Variants in RASD1 observed in about 807,000 individuals in gnomAD.
RASD1 encodes the protein dexamethasone-induced Ras-related protein 1.
A neutral mutation model predicts 16.7 loss-of-function variants in RASD1; 13 were observed. The ratio of observed to expected loss-of-function variants is 0.78; its 90% CI spans 0.51 to 1.24. The LOEUF is 1.24. Ranked by LOEUF, RASD1 falls within the 50% of genes most tolerant of loss-of-function variation. The probability of loss-of-function intolerance (pLI) is 0.00; values close to 1 mark genes in which losing one functional copy is unlikely to be tolerated. For missense variants in RASD1, 397 were observed against 407.5 expected (o/e 0.97, Z 0.22); for synonymous variants, 170 against 172.6 (o/e 0.98, Z 0.12).
Position 17,495,217 on chromosome 17 carries a change from G to A in RASD1, c.754C>T (p.Arg252Trp), listed in dbSNP as rs748065815. The change falls in exon 2 of 2, where the codon CGG becomes TGG. Residue 252 changes from arginine to tryptophan, a missense_variant. By Grantham distance (101) the Arg-to-Trp change is moderately radical. Transcript: ENST00000225688. The stretch of plus-strand genomic sequence containing the variant: ...ATGAGGTCGCTGTGTACGCTGGGCC[G>A]GCGCGCGAAGGGTGCCACGATGCCA... ...AFGIVAPFAR[R>W]PSVHSDLMYI... is the part of the protein sequence containing the mutation. 2.5e-6 allele frequency: 4 copies of A among 1,610,120 alleles called. No homozygotes were observed. Among genetic ancestry groups the A allele is most frequent in the Non-Finnish European group, 2.5e-6 (3 of 1,179,160 alleles).
In RASD1 at chr17:17,495,876, C is replaced by T; in HGVS notation, c.286+20G>A. The T allele has an allele frequency of 6.3e-7, 1 of 1,591,818 alleles. No homozygotes were observed. The highest frequency in any genetic ancestry group is 8.5e-7 in the Non-Finnish European group (1 of 1,171,246). ...GGTTCCCCGCCCTTCCCTCCCGCAC[C>T]TGCCCGGCCCCCGGCTCACCTGTGA... On this transcript the variant is annotated intron_variant, in intron 1 of 1. Transcript: ENST00000225688.
At position 17,495,359 on chromosome 17, in the gene RASD1, G is replaced by T; in HGVS notation, c.612C>A (p.Asp204Glu). 1.3e-6 allele frequency: 2 copies of T among 1,583,054 alleles called. No individual in the cohort carries two copies. Among genetic ancestry groups the T allele is most frequent in the African/African-American group, 2.7e-5 (2 of 74,512 alleles). Residue 204 changes from aspartate to glutamate, a missense_variant, in exon 2 of 2, where the codon GAC becomes GAA. Transcript: ENST00000225688. ...ACTGCACCGAGACCTTGCGGTGCAG[G>T]TCTGGGCTCATCTCGCTGGGCAGCT... ...MAKLPSEMSP[D>E]LHRKVSVQYC...
At chr17:17,495,743 G>A in intron 1 of RASD1, 59 bp from the exon 2 acceptor site, 1 of 1,509,112 alleles carries the variant, frequency 6.6e-7, no homozygotes, top group Non-Finnish European at 8.9e-7. Context: ...CAGGGGACAA[G>A]TCGGGCTGAC....
chr17:17,495,606 AG>A lies in RASD1; in HGVS notation c.364del (p.Leu122SerfsTer80). 1 of 1,613,144 alleles carries A rather than the reference AG, an allele frequency of 6.2e-7. No individual in the cohort carries two copies. The highest frequency in any genetic ancestry group is 8.5e-7 in the Non-Finnish European group (1 of 1,179,970). On this transcript the variant is annotated frameshift_variant, in exon 2 of 2. Coordinates refer to ENST00000225688, the MANE Select transcript of RASD1 (RefSeq NM_016084.5). LOFTEE classifies it high-confidence loss of function. ...EEVQRLRQQI[L>X]DTKSCLKNKT... ...GTTCTTGAGGCAAGACTTGGTGTCG[AG>A]GATCTGCTGCCTGAGCCGCTGCACC...
Position 17,495,232 on chromosome 17 carries a change from C to G in RASD1, c.739G>C (p.Ala247Pro). 1 of 1,607,210 alleles carries G rather than the reference C, an allele frequency of 6.2e-7. No individual in the cohort carries two copies. The highest frequency in any genetic ancestry group is 1.1e-5 in the South Asian group (1 of 90,566). The change falls in exon 2 of 2, where the codon GCA (alanine) becomes CCA (proline). Residue 247 changes from alanine (A) to proline (P), a missense_variant. Transcript: ENST00000225688. ...GDPGDAFGIV[A>P]PFARRPSVHS... The stretch of plus-strand genomic sequence containing the variant: ...ACGCTGGGCCGGCGCGCGAAGGGTG[C>G]CACGATGCCAAAGGCGTCGCCCGGG...
chr17:17,495,280 C>G lies in RASD1; in HGVS notation c.691G>C (p.Gly231Arg). 2 of 1,561,692 alleles carry G rather than the reference C, an allele frequency of 1.3e-6. No homozygotes were observed. The highest frequency in any genetic ancestry group is 1.2e-5 in the South Asian group (1 of 86,046). Reference sequence around the variant, plus strand: ...GGGTCGCCGCCGCCGCCGCCGCTGCCGGCCCGCAGCAGCTTCTTGTTCCGC... The same window carrying G: ...GGGTCGCCGCCGCCGCCGCCGCTGCGGGCCCGCAGCAGCTTCTTGTTCCGC... ...ALRNKKLLRAGSGGGGGDPGD... is the reference protein window; with the variant it reads ...ALRNKKLLRARSGGGGGDPGD... Residue 231 changes from glycine (G) to arginine (R), a missense_variant, in exon 2 of 2, where the codon GGC (glycine) becomes CGC (arginine). Transcript: ENST00000225688.
rs758165707 is a variant in RASD1 at position 17,495,523 on chromosome 17, C to T, written c.448G>A (p.Asp150Asn). Residue 150 changes from aspartate to asparagine, a missense_variant, in exon 2 of 2, where the codon GAC becomes AAC. Transcript: ENST00000225688. ...LVICGNKGDR[D>N]FYREVDQREI... is the part of the protein sequence containing the mutation. ...CGCTGGTCCACCTCGCGGTAGAAGT[C>T]GCGGTCACCCTTGTTGCCGCAGATG... The T allele has an allele frequency of 1.1e-5, 17 of 1,612,368 alleles. No homozygotes were observed. Among genetic ancestry groups the T allele is most frequent in the Admixed American group, 5.0e-5 (3 of 59,926 alleles).
Position 17,495,066 on chromosome 17 carries a change from T to C in RASD1, c.*59A>G. ...TCCCGGCCTGGGGCGCACCGGGCCG[T>C]TGGATTTGACTTAACAAAAAGGTCC... On this transcript the variant is annotated 3_prime_UTR_variant, in exon 2 of 2. Transcript: ENST00000225688. 1.9e-6 allele frequency: 3 copies of C among 1,579,784 alleles called. No homozygotes were observed. Among genetic ancestry groups the C allele is most frequent in the Non-Finnish European group, 2.6e-6 (3 of 1,164,080 alleles).
At chr17:17,495,705 A>G (rs1905407168) in intron 1 of RASD1, 21 bp from the exon 2 acceptor site, 1 of 1,580,224 alleles carries the variant, frequency 6.3e-7, no homozygotes, top group Non-Finnish European at 8.6e-7. Flanking sequence ...CACAGAGAGC[A>G]GAAAAGGAGA....
At chr17:17,495,760 G>A in intron 1 of RASD1, 76 bp from the exon 2 acceptor site, 2 of 1,473,586 alleles carry the variant, frequency 1.4e-6, no homozygotes, top group Non-Finnish European at 1.8e-6. Flanking sequence ...TGACTTTGAG[G>A]CCGCGCGGGG....
chr17:17,495,554 G>A lies in RASD1; in HGVS notation c.417C>T (p.Pro139=). 2 of 1,612,892 alleles carry A rather than the reference G, an allele frequency of 1.2e-6. No individual in the cohort carries two copies. Among genetic ancestry groups the A allele is most frequent in the Non-Finnish European group, 1.7e-6 (2 of 1,179,858 alleles). ...CACCCTTGTTGCCGCAGATGACCAG[G>A]GGCACGTCCACGTTCTCCTTGGTTT... The part of the protein sequence containing the change: ...KNKTKENVDV[P]LVICGNKGDR... Residue 139 remains proline (P), a synonymous_variant, in exon 2 of 2, where the codon CCC becomes CCT. Coordinates refer to ENST00000225688, the MANE Select transcript of RASD1 (RefSeq NM_016084.5).
At position 17,495,036 on chromosome 17, in the gene RASD1, C is replaced by A; in HGVS notation, c.*89G>T. On this transcript the variant is annotated 3_prime_UTR_variant, in exon 2 of 2. Transcript: ENST00000225688. ...CCGGGAGGGGAGACGCCAGTCCGCG[C>A]GCGCTCCCGGCCTGGGGCGCACCGG... 6.7e-7 allele frequency: 1 copy of A among 1,498,546 alleles called. No individual in the cohort carries two copies. The highest frequency in any genetic ancestry group is 9.0e-7 in the Non-Finnish European group (1 of 1,112,540). The allele number at this position is 1,498,546 out of a possible 1,614,324, so 92.8% of individuals were successfully genotyped here. A position where few individuals can be genotyped will look rare whatever the true frequency, so the allele number is the denominator to read the frequency against.
In RASD1 at chr17:17,495,884, C is replaced by T. The variant is rs1597856389; in HGVS notation, c.286+12G>A. The T allele has an allele frequency of 1.9e-6, 3 of 1,596,886 alleles. No individual in the cohort carries two copies. The highest frequency in any genetic ancestry group is 2.2e-5 in the East Asian group (1 of 44,574). ...GCCCTTCCCTCCCGCACCTGCCCGG[C>T]CCCCGGCTCACCTGTGAGGATGGAG... On this transcript the variant is annotated intron_variant, in intron 1 of 1. Transcript: ENST00000225688.
intron 1 of RASD1, 38 bp from the exon 2 acceptor site, chr17:17,495,722 G>A (rs566716068): frequency 6.5e-7 from 1 of 1,550,346 alleles, no homozygotes; most frequent in African/African-American, 1.4e-5. Context: ...GAGAAGGTGA[G>A]GGTGGCCGCC....
chr17:17,494,974 G>C lies in RASD1; in HGVS notation c.*151C>G. 2.1e-6 allele frequency: 2 copies of C among 953,286 alleles called. No individual in the cohort carries two copies. Among genetic ancestry groups the C allele is most frequent in the Non-Finnish European group, 3.1e-6 (2 of 654,412 alleles). The allele number at this position is 953,286 out of a possible 1,614,324, so 59.1% of individuals were successfully genotyped here. On this transcript the variant is annotated 3_prime_UTR_variant, in exon 2 of 2. Transcript: ENST00000225688. ...CCGGAGCAGATGACCGTCCCTTCTC[G>C]GTTCAGTGGCGCCTCCCCAGTGCTG...
rs1905395747 is a variant in RASD1, at chr17:17,495,477, C to T, written c.494G>A (p.Gly165Asp). 6.2e-7 allele frequency: 1 copy of T among 1,610,042 alleles called. No homozygotes were observed. Among genetic ancestry groups the T allele is most frequent in the Non-Finnish European group, 8.5e-7 (1 of 1,178,462 alleles). Residue 165 changes from glycine to aspartate, a missense_variant, in exon 2 of 2, where the codon GGC (glycine) becomes GAC (aspartate). Physicochemically the swap from Gly to Asp is moderately conservative, Grantham distance 94. Transcript: ENST00000225688. Reference sequence around the variant, plus strand: ...GTAGGCGCAGCGCTGGGGGTCGTCGCCCACCAGCTGCTCGATCTCGCGCTG... The same window carrying T: ...GTAGGCGCAGCGCTGGGGGTCGTCGTCCACCAGCTGCTCGATCTCGCGCTG... ...VDQREIEQLV[G>D]DDPQRCAYFE... is the part of the protein sequence containing the mutation.
Position 17,495,102 on chromosome 17 carries a change from G to T in RASD1, c.*23C>A. 6.2e-7 allele frequency: 1 copy of T among 1,609,526 alleles called. No homozygotes were observed. The highest frequency in any genetic ancestry group is 8.5e-7 in the Non-Finnish European group (1 of 1,179,198). On this transcript the variant is annotated 3_prime_UTR_variant, in exon 2 of 2. Coordinates refer to ENST00000225688, the MANE Select transcript of RASD1 (RefSeq NM_016084.5). ...TTAACAAAAAGGTCCTCCTTAGGTT[G>T]TGTCGCCAGCGCGGCGGGGCTCCTA...
chr17:17,495,295 T>G lies in RASD1; in HGVS notation c.676A>C (p.Lys226Gln). The change falls in exon 2 of 2, where the codon AAG becomes CAG. Residue 226 changes from lysine (K) to glutamine (Q), a missense_variant. Coordinates refer to ENST00000225688, the MANE Select transcript of RASD1 (RefSeq NM_016084.5). Reference sequence around the variant, plus strand: ...CCGCCGCTGCCGGCCCGCAGCAGCTTCTTGTTCCGCAGCGCCTTCTTGTGC... The same window carrying G: ...CCGCCGCTGCCGGCCCGCAGCAGCTGCTTGTTCCGCAGCGCCTTCTTGTGC... ...VLHKKALRNKKLLRAGSGGGG... is the reference protein window; with the variant it reads ...VLHKKALRNKQLLRAGSGGGG... The G allele has an allele frequency of 6.4e-7, 1 of 1,557,130 alleles. No individual in the cohort carries two copies. The highest frequency in any genetic ancestry group is 1.9e-5 in the Admixed American group (1 of 51,288).
rs528169778 is a variant in RASD1 at position 17,495,241 on chromosome 17, C to A, written c.730G>T (p.Gly244Cys). Residue 244 changes from glycine (G) to cysteine (C), a missense_variant, in exon 2 of 2, where the codon GGC becomes TGC. By Grantham distance (159) the Gly-to-Cys change is radical. Transcript: ENST00000225688. ...GGGGDPGDAFGIVAPFARRPS... is the reference protein window; with the variant it reads ...GGGGDPGDAFCIVAPFARRPS... ...CGGCGCGCGAAGGGTGCCACGATGCCAAAGGCGTCGCCCGGGTCGCCGCCG... is the reference window on the plus strand; with the variant it reads ...CGGCGCGCGAAGGGTGCCACGATGCAAAAGGCGTCGCCCGGGTCGCCGCCG... 2.5e-6 allele frequency: 4 copies of A among 1,601,286 alleles called. No individual in the cohort carries two copies. The South Asian group carries it at 4.4e-5, about 18-fold the overall frequency.
Sources: allele counts gnomAD v4.1 joint callset, GRCh38; gene constraint gnomAD v4.1.1; transcripts MANE v1.5; gene names NCBI Gene and HGNC (gene_info 2026-07-23, HGNC 2026-07-21).